Variants in SP110 observed in about 807,000 individuals in gnomAD.
SP110 encodes interferon-induced protein 41, 30kD.
Under a neutral mutation model 92.7 loss-of-function variants are expected in SP110, and 62 were observed. That is an observed-to-expected ratio of 0.67 (90% CI 0.55 to 0.83). The LOEUF is 0.83. Ranked by LOEUF, SP110 falls within the 40% of genes least tolerant of loss-of-function variation. SP110 has a pLI of 0.00. For missense variants in SP110, 793 were observed against 863.9 expected, an observed-to-expected ratio of 0.92 and a Z score of 1.03; for synonymous variants, 273 against 305.3, an observed-to-expected ratio of 0.89 and a Z score of 1.10.
At chr2:230,194,805 T>C (rs1466563296) in intron 10 of SP110, among the ~76,000 whole-genome samples, 1 of 152,240 alleles carries the variant, frequency 6.6e-6, no homozygotes, top group Non-Finnish European at 1.5e-5. Context: ...TGATGCCTCA[T>C]GTCCACCTCA....
intron 8 of SP110, among the ~76,000 whole-genome samples, chr2:230,207,093 G>C (rs987768708): frequency 6.6e-6 from 1 of 152,122 alleles, no homozygotes; most frequent in Non-Finnish European, 1.5e-5. Flanking sequence ...CAAAGGTTAG[G>C]ATGGAGAGCT....
intron 3 of SP110, among the ~76,000 whole-genome samples, chr2:230,214,504 T>G (rs1432241318): frequency 2.6e-5 from 4 of 152,216 alleles, no homozygotes; most frequent in African/African-American, 9.6e-5. Flanking sequence ...TTCAAAGGGT[T>G]GTTTTAAAGA....
rs965202960 is a variant in SP110, at chr2:230,170,965, C to T, written c.1888-204G>A. The T allele has an allele frequency of 7.9e-5, 49 of 623,670 alleles. 1 individual carries two copies. The highest frequency in any genetic ancestry group is 2.0e-4 in the Admixed American group (8 of 39,100). 38.6% of individuals were successfully genotyped at this position (623,670 alleles called of 1,614,324 possible). A position where few individuals can be genotyped will look rare whatever the true frequency, so the allele number is the denominator to read the frequency against. ...TATGTAATCTCCACATTTATGGGTA[C>T]CATAAATAATAATGCCCATTTCATA... On this transcript the variant is annotated intron_variant, in intron 17 of 18. Coordinates refer to ENST00000258381, the MANE Select transcript of SP110 (RefSeq NM_080424.4).
chr2:230,220,208 A>G (rs1285391646), upstream of SP110: 1 of 311,142 alleles, frequency 3.2e-6, no homozygotes, highest in Non-Finnish European at 4.7e-6. Flanking sequence ...AGGAGGAGGC[A>G]TAAGGGTACA....
At position 230,214,863 on chromosome 2, in the gene SP110, G is replaced by A. The variant is rs750749156; in HGVS notation, c.316+87C>T. ...CCCAGAGAGAAGGCGGGGGATTAAC[G>A]TGCATATTCCACAGGGCTAGAAGTA... On this transcript the variant is annotated intron_variant, in intron 3 of 18. Coordinates refer to ENST00000258381, the MANE Select transcript of SP110 (RefSeq NM_080424.4). The A allele has an allele frequency of 3.6e-5, 39 of 1,094,768 alleles. 1 individual carries two copies. The highest frequency in any genetic ancestry group is 4.4e-5 in the Non-Finnish European group (31 of 710,238). 67.8% of individuals were successfully genotyped at this position (1,094,768 alleles called of 1,614,324 possible).
In SP110 at chr2:230,210,000, C is replaced by T; in HGVS notation, c.760G>A (p.Asp254Asn). ...SPLGSMPEIR[D>N]NSPEPNDPEE... ...GGGTCATTTGGTTCTGGAGAATTAT[C>T]TCTTATCTCTGACAAAAGAAATATA... The change falls in exon 7 of 19, where the codon GAT (aspartate) becomes AAT (asparagine). Residue 254 changes from aspartate to asparagine, a missense_variant. By Grantham distance (23) the Asp-to-Asn change is conservative. Transcript: ENST00000258381. The T allele has an allele frequency of 6.3e-7, 1 of 1,593,510 alleles. No individual in the cohort carries two copies. Among genetic ancestry groups the T allele is most frequent in the East Asian group, 2.2e-5 (1 of 44,790 alleles).
At chr2:230,224,055 G>C (rs1390677970), upstream of SP110, among the ~76,000 whole-genome samples, 1 of 152,184 alleles carries the variant, frequency 6.6e-6, no homozygotes, top group Non-Finnish European at 1.5e-5. Flanking sequence ...TGAGCATAGG[G>C]AAAAACAAGA....
intron 8 of SP110, 26 bp from the exon 9 acceptor site, chr2:230,202,754 A>C (rs200718758): frequency 2.4e-5 from 38 of 1,613,644 alleles, no homozygotes; most frequent in Non-Finnish European, 2.7e-5. Flanking sequence ...ACTTGTTAAT[A>C]GTTTAAATTG....
chr2:230,170,840 C>G, intron 17 of SP110, 79 bp from the exon 18 acceptor site: 1 of 1,428,212 alleles, frequency 7.0e-7, no homozygotes, highest in Non-Finnish European at 9.8e-7. Context: ...ACAATCCAAG[C>G]CTTCATTTCC....
chr2:230,170,980 C>A, intron 17 of SP110: 1 of 607,684 alleles, frequency 1.6e-6, no homozygotes, highest in South Asian at 1.9e-5. Context: ...AATAATAATG[C>A]CCATTTCATA....
At position 230,166,446 on chromosome 2, in the gene SP110, C is replaced by T. The variant is rs925012452; in HGVS notation, c.*2678G>A. On this transcript the variant is annotated 3_prime_UTR_variant, in exon 19 of 19. Transcript: ENST00000258381. The stretch of plus-strand genomic sequence containing the variant: ...AAGTTATTTTACCGAGGTAGGATAA[C>T]CGTAAATCTGACTATGACAGTGTGT... Among the ~76,000 whole-genome samples the T allele has an allele frequency of 6.6e-6, 1 of 152,094 alleles. No homozygotes were observed. The highest frequency in any genetic ancestry group is 1.5e-5 in the Non-Finnish European group (1 of 68,020).
At chr2:230,207,970 C>T (rs1219146371) in intron 8 of SP110, 21 bp downstream of exon 8, 9 of 1,275,664 alleles carry the variant, frequency 7.1e-6, no homozygotes, top group Non-Finnish European at 9.1e-6. Flanking sequence ...CCTCCAGCTT[C>T]CTCTTGTACT....
chr2:230,215,924 G>C (rs551126134), intron 2 of SP110, among the ~76,000 whole-genome samples: 2 of 152,346 alleles, frequency 1.3e-5, no homozygotes, highest in East Asian at 3.9e-4. Flanking sequence ...AGATGTCTCT[G>C]AGGAGTGCTC....
chr2:230,209,070 T>C (rs1011354784), intron 7 of SP110, among the ~76,000 whole-genome samples: 2 of 152,184 alleles, frequency 1.3e-5, no homozygotes, highest in African/African-American at 4.8e-5. Flanking sequence ...TTTTTGATTC[T>C]TTTTCTTTTG....
At chr2:230,199,073 G>A (rs945351692) in intron 10 of SP110, among the ~76,000 whole-genome samples, 1 of 151,578 alleles carries the variant, frequency 6.6e-6, no homozygotes, top group Non-Finnish European at 1.5e-5. Flanking sequence ...ATAAGCCCAG[G>A]ACCCTACAGT....
At chr2:230,221,599 G>C, upstream of SP110, 1 of 1,067,728 alleles carries the variant, frequency 9.4e-7, no homozygotes, top group Non-Finnish European at 1.4e-6. Context: ...CTGAGGAGAG[G>C]GTGCATTGAT....
chr2:230,224,071 G>A (rs1283002748), upstream of SP110, among the ~76,000 whole-genome samples: 4 of 152,162 alleles, frequency 2.6e-5, no homozygotes, highest in Non-Finnish European at 1.5e-5. Flanking sequence ...CAAGATAGTG[G>A]GAAATAGAAC....
intron 15 of SP110, chr2:230,172,464 G>T (rs547990067): frequency 3.8e-4 from 207 of 550,250 alleles, no homozygotes; most frequent in South Asian, 1.8e-3. Flanking sequence ...CCAGGCTTGA[G>T]TGTCAGAATC....
intron 8 of SP110, among the ~76,000 whole-genome samples, chr2:230,206,573 TATATATTATCTGGTCCAGATTTTATA>T (rs1242210201): frequency 2.2e-5 from 3 of 135,268 alleles, no homozygotes; most frequent in African/African-American, 8.1e-5. Context: ...GTCCAGATAT[TATATATTATCTGGTCCAGATTTTATA>T]TATATATATA....
Sources: gnomAD v4.1 joint callset for allele counts (sites outside exome capture counted in the v4.1 genomes callset) on GRCh38, gnomAD v4.1.1 for gene constraint, MANE v1.5 for transcripts, NCBI Gene and HGNC (gene_info 2026-07-23, HGNC 2026-07-21) for gene names.